VWA5B1: variants seen among roughly 807,000 people sequenced by gnomAD.
VWA5B1 encodes the protein von Willebrand factor A domain-containing protein 5B1.
A neutral mutation model predicts 118.2 loss-of-function variants in VWA5B1; 115 were observed. The observed-to-expected ratio is 0.97, with a 90% confidence interval of 0.84 to 1.14. VWA5B1 has a LOEUF of 1.14. Among genes scored for constraint, VWA5B1 ranks in the 50% most tolerant of loss-of-function variants. VWA5B1 has a pLI of 0.00. For missense variants in VWA5B1, 1,596 were observed against 1,603.8 expected (o/e 1.00, Z 0.08); for synonymous variants, 682 against 658.4 (o/e 1.04, Z -0.55).
chr1:20,350,806 T>A (rs2090113793), intron 19 of VWA5B1, 51 bp from the exon 20 acceptor site: 3 of 1,530,480 alleles, frequency 2.0e-6, no homozygotes, highest in Non-Finnish European at 2.7e-6. Flanking sequence ...CAGTGAGCAG[T>A]TGGACGGGGT....
At chr1:20,307,173 C>G (rs2088681010) in intron 1 of VWA5B1, among the ~76,000 whole-genome samples, 2 of 152,210 alleles carry the variant, frequency 1.3e-5, no homozygotes, top group Non-Finnish European at 2.9e-5. Flanking sequence ...ACACACTTGA[C>G]AAGCCCCACT....
chr1:20,318,705 C>A lies in VWA5B1; in HGVS notation c.825C>A (p.Ile275=). 2.0e-6 allele frequency: 3 copies of A among 1,510,940 alleles called. No individual in the cohort carries two copies. The highest frequency in any genetic ancestry group is 1.8e-6 in the Non-Finnish European group (2 of 1,123,566). 93.6% of individuals were successfully genotyped at this position (1,510,940 alleles called of 1,614,324 possible). The change falls in exon 6 of 22, where the codon ATC becomes ATA. Residue 275 remains isoleucine, a synonymous_variant. Coordinates refer to ENST00000289815, the MANE Select transcript of VWA5B1 (RefSeq NM_001039500.3). ...NKHTFDRPVE[I]LIHPSEPHMP... is the part of the protein sequence containing the mutation. The stretch of plus-strand genomic sequence containing the variant: ...ACACCTTTGACCGGCCTGTGGAGAT[C>A]CTCATCCACCCCAGCGGTACGGTGC...
At chr1:20,318,174 G>A (rs1409511371) in intron 5 of VWA5B1, among the ~76,000 whole-genome samples, 1 of 151,704 alleles carries the variant, frequency 6.6e-6, no homozygotes, top group Non-Finnish European at 1.5e-5. Flanking sequence ...AGCCTTAAAA[G>A]GACACTAGGA....
rs1389060501 is a variant in VWA5B1, at chr1:20,338,155, T to C, written c.2133+319T>C. 8.1e-6 allele frequency: 4 copies of C among 496,750 alleles called. No homozygotes were observed. In the East Asian group the frequency reaches 2.1e-4, roughly 26 times the overall value. 30.8% of individuals were successfully genotyped at this position (496,750 alleles called of 1,614,324 possible). The stretch of plus-strand genomic sequence containing the variant: ...AGTTTAGGGGCCCACCTTGGCTCAG[T>C]ACAGATGTGGAAATTGAGAGCCAGA... On this transcript the variant is annotated intron_variant, in intron 14 of 21. Coordinates refer to ENST00000289815, the MANE Select transcript of VWA5B1 (RefSeq NM_001039500.3).
In VWA5B1 at chr1:20,310,576, G is replaced by T. The variant is rs534353530; in HGVS notation, c.-26G>T. On this transcript the variant is annotated splice_region_variant and 5_prime_UTR_variant, in exon 2 of 22. Transcript: ENST00000289815. ...TTCCTGCCCTTCCTGTGTCTCACAG[G>T]TTCTGAAGGCTGAGTAGCCAGCGGG... is the stretch of plus-strand genomic sequence containing the variant. 6.6e-7 allele frequency: 1 copy of T among 1,510,228 alleles called. No individual in the cohort carries two copies. The highest frequency in any genetic ancestry group is 8.9e-7 in the Non-Finnish European group (1 of 1,127,486). 93.6% of individuals were successfully genotyped at this position (1,510,228 alleles called of 1,614,324 possible).
intron 2 of VWA5B1, among the ~76,000 whole-genome samples, chr1:20,311,321 C>T (rs1427433392): frequency 6.6e-6 from 1 of 152,214 alleles, no homozygotes; most frequent in Non-Finnish European, 1.5e-5. Flanking sequence ...CAGGTCAGTC[C>T]CACACTTTCT....
chr1:20,339,932 G>C (rs1447992948), intron 14 of VWA5B1, among the ~76,000 whole-genome samples: 1 of 152,198 alleles, frequency 6.6e-6, no homozygotes, highest in African/African-American at 2.4e-5. Context: ...TATTTATTGA[G>C]AGCCAACTCT....
At chr1:20,327,791 G>T in intron 8 of VWA5B1, 99 bp from the exon 9 acceptor site, 1 of 1,021,398 alleles carries the variant, frequency 9.8e-7, no homozygotes, top group Non-Finnish European at 1.5e-6. Context: ...AGGTCTGTTT[G>T]GAGGCTGCTC....
chr1:20,337,427 C>T (rs1318740309), intron 13 of VWA5B1, among the ~76,000 whole-genome samples: 1 of 152,134 alleles, frequency 6.6e-6, no homozygotes, highest in East Asian at 1.9e-4. Flanking sequence ...CACACCCAGC[C>T]ACATTGTACC....
intron 1 of VWA5B1, among the ~76,000 whole-genome samples, chr1:20,309,482 G>C (rs960968699): frequency 6.6e-6 from 1 of 152,232 alleles, no homozygotes; most frequent in Non-Finnish European, 1.5e-5. Flanking sequence ...AGGCAGAGCA[G>C]CAAGCACAGG....
rs1296020013 is a variant in VWA5B1, at chr1:20,345,532, C to T, written c.2703C>T (p.Phe901=). The change falls in exon 17 of 22, where the codon TTC becomes TTT. Residue 901 remains phenylalanine, a synonymous_variant. Coordinates refer to ENST00000289815, the MANE Select transcript of VWA5B1 (RefSeq NM_001039500.3). ...ACATCATTAGCAAATACACAGCCTT[C>T]GTGCCTGTGGACGTGAGCAAGAGCC... is the stretch of plus-strand genomic sequence containing the variant. ...ACNIISKYTA[F]VPVDVSKSRY... is the part of the protein sequence containing the mutation. 10 of 1,551,126 alleles carry T rather than the reference C, an allele frequency of 6.4e-6. No homozygotes were observed. Among genetic ancestry groups the T allele is most frequent in the African/African-American group, 4.1e-5 (3 of 73,056 alleles).
intron 1 of VWA5B1, among the ~76,000 whole-genome samples, chr1:20,307,807 ATTC>A (rs1244700401): frequency 3.4e-4 from 30 of 88,402 alleles, no homozygotes; most frequent in African/African-American, 1.8e-3. Context: ...GGGTTCTGAC[ATTC>A]TTTTTTTTTT....
chr1:20,350,629 G>A (rs1458758330), intron 19 of VWA5B1, among the ~76,000 whole-genome samples: 1 of 152,194 alleles, frequency 6.6e-6, no homozygotes, highest in Non-Finnish European at 1.5e-5. Flanking sequence ...AGATCCCAGG[G>A]GCTGCCGGCC....
chr1:20,312,757 A>G, intron 2 of VWA5B1, 79 bp from the exon 3 acceptor site: 1 of 1,433,038 alleles, frequency 7.0e-7, no homozygotes, highest in Non-Finnish European at 9.2e-7. Context: ...AGGCAGACCA[A>G]GGGTTCAGGT....
intron 11 of VWA5B1, among the ~76,000 whole-genome samples, chr1:20,332,525 A>AAAAT (rs1277037568): frequency 1.3e-5 from 2 of 150,224 alleles, no homozygotes; most frequent in Non-Finnish European, 3.0e-5. Context: ...AAAATAAAAT[A>AAAAT]AAATAAAATA....
At chr1:20,319,847 C>A (rs1402133775) in intron 7 of VWA5B1, among the ~76,000 whole-genome samples, 1 of 152,196 alleles carries the variant, frequency 6.6e-6, no homozygotes, top group Non-Finnish European at 1.5e-5. Flanking sequence ...CCCTTCAGCT[C>A]CTTACCTCCT....
At chr1:20,310,550 C>T (rs12726937) in intron 1 of VWA5B1, 26 bp from the exon 2 acceptor site, 363,987 of 1,461,790 alleles carry the variant, frequency 0.25, 47,168 homozygotes, top group East Asian at 0.4. Context: ...CCTCTTCCCA[C>T]TTCCTGCCCT....
rs779951626 is a variant in VWA5B1, at chr1:20,327,917, C to T, written c.1171C>T (p.Leu391Phe). The T allele has an allele frequency of 5.2e-6, 8 of 1,551,610 alleles. No homozygotes were observed. Among genetic ancestry groups the T allele is most frequent in the South Asian group, 1.2e-5 (1 of 84,036 alleles). The change falls in exon 9 of 22, where the codon CTC (leucine) becomes TTC (phenylalanine). Residue 391 changes from leucine to phenylalanine, a missense_variant. Leu to Phe is a conservative substitution (Grantham distance 22). Transcript: ENST00000289815. ...KDAMLVALKS[L>F]MPACLFNIIG... The stretch of plus-strand genomic sequence containing the variant: ...TGCCATGTTGGTGGCCCTTAAGAGC[C>T]TCATGCCAGCCTGCCTCTTCAATAT...
At chr1:20,293,320 G>C (rs1378528150) in intron 1 of VWA5B1, among the ~76,000 whole-genome samples, 1 of 151,996 alleles carries the variant, frequency 6.6e-6, no homozygotes, top group Non-Finnish European at 1.5e-5. Flanking sequence ...TGATGCGAAT[G>C]CTGGTTATGG....
Sources: allele counts gnomAD v4.1 joint callset (sites outside exome capture counted in the v4.1 genomes callset), GRCh38; gene constraint gnomAD v4.1.1; transcripts MANE v1.5; gene names NCBI Gene and HGNC (gene_info 2026-07-23, HGNC 2026-07-21).